CACFD1: variants seen among roughly 807,000 people sequenced by gnomAD.
CACFD1 encodes calcium channel flower domain containing 1.
CACFD1 carries 26 observed loss-of-function variants against 21.3 expected under a neutral mutation model. That is an observed-to-expected ratio of 1.22 (90% CI 0.89 to 1.69). The LOEUF is 1.69. CACFD1 is among the 40% of genes most tolerant of loss of function. The pLI is 0.00. For missense variants in CACFD1, 265 were observed against 236.2 expected (o/e 1.12, Z -0.80); for synonymous variants, 121 against 106.6 (o/e 1.13, Z -0.83).
chr9:133,465,080 G>A lies in CACFD1; in HGVS notation c.195-242G>A. Reference sequence around the variant, plus strand: ...GAAGCCCAGGGGCTTCCCTCTAGGAGTGTTCAGTTCAGCTGGGGAGATGGG... The same window carrying A: ...GAAGCCCAGGGGCTTCCCTCTAGGAATGTTCAGTTCAGCTGGGGAGATGGG... On this transcript the variant is annotated intron_variant, in intron 2 of 4. Coordinates refer to ENST00000316948, the MANE Select transcript of CACFD1 (RefSeq NM_017586.5). The surrounding 1 kb of genome is among the most constrained non-coding windows in gnomAD (Gnocchi z 5.0). 5.4e-6 allele frequency: 3 copies of A among 550,894 alleles called. No homozygotes were observed. Among genetic ancestry groups the A allele is most frequent in the Non-Finnish European group, 9.8e-6 (3 of 307,402 alleles). 34.1% of individuals were successfully genotyped at this position (550,894 alleles called of 1,614,324 possible).
chr9:133,466,253 CTG>C (rs1843431673), intron 3 of CACFD1, among the ~76,000 whole-genome samples: 2 of 152,332 alleles, frequency 1.3e-5, no homozygotes, highest in Non-Finnish European at 2.9e-5. Flanking sequence ...GTTCAAAAAA[CTG>C]TATTTTAAAA....
Position 133,460,103 on chromosome 9 carries a change from A to T in CACFD1, c.37A>T (p.Ser13Cys). The T allele has an allele frequency of 6.4e-7, 1 of 1,563,914 alleles. No homozygotes were observed. The highest frequency in any genetic ancestry group is 8.7e-7 in the Non-Finnish European group (1 of 1,153,858). The stretch of plus-strand genomic sequence containing the variant: ...AGGTGGGGCGCCCGGGGCGTCCGCC[A>T]GCTCTGCGCCGCCCGCGCAGGAAGA... Reference protein sequence around the residue: ...SSGGAPGASASSAPPAQEEGM... With the variant: ...SSGGAPGASACSAPPAQEEGM... Residue 13 changes from serine (S) to cysteine (C), a missense_variant, in exon 1 of 5, where the codon AGC (serine) becomes TGC (cysteine). Transcript: ENST00000316948.
intron 1 of CACFD1, chr9:133,461,946 G>C: frequency 1.0e-6 from 1 of 985,434 alleles, no homozygotes; most frequent in Non-Finnish European, 1.2e-6. Flanking sequence ...CCTGGAGAGG[G>C]TCTACCCTGG....
In CACFD1 at chr9:133,463,400, T is replaced by C. The variant is rs782696252; in HGVS notation, c.122-83T>C. ...TGAGCATCCGCAGAGACTCTCGTCCTTTCCAGTCATCTCCCAAGGCCGCCT... is the reference window on the plus strand; with the variant it reads ...TGAGCATCCGCAGAGACTCTCGTCCCTTCCAGTCATCTCCCAAGGCCGCCT... On this transcript the variant is annotated intron_variant, in intron 1 of 4. Coordinates refer to ENST00000316948, the MANE Select transcript of CACFD1 (RefSeq NM_017586.5). 9 of 1,606,552 alleles carry C rather than the reference T, an allele frequency of 5.6e-6. No individual in the cohort carries two copies. The African/African-American group carries it at 6.7e-5, about 12-fold the overall frequency.
intron 1 of CACFD1, chr9:133,462,323 G>C: frequency 2.3e-6 from 3 of 1,293,710 alleles, no homozygotes; most frequent in African/African-American, 1.5e-5. Context: ...ACACCTTGCT[G>C]TCTGAAGGCA....
chr9:133,467,006 C>T (rs35773987), intron 3 of CACFD1, among the ~76,000 whole-genome samples: 1,858 of 152,206 alleles, frequency 0.012, 13 homozygotes, highest in Middle Eastern at 0.02. Context: ...CAGAAGGTTC[C>T]CCGCCGTGGT....
chr9:133,459,984 C>G lies in CACFD1; in HGVS notation c.-83C>G. The stretch of plus-strand genomic sequence containing the variant: ...CCCCCTATGCTAATATGCTCCCTCT[C>G]CCACAAGGCAGCGCGCCGGCTCGGA... On this transcript the variant is annotated 5_prime_UTR_variant, in exon 1 of 5. Transcript: ENST00000316948. 3 of 1,436,868 alleles carry G rather than the reference C, an allele frequency of 2.1e-6. No individual in the cohort carries two copies. The highest frequency in any genetic ancestry group is 2.7e-6 in the Non-Finnish European group (3 of 1,094,726). The allele number at this position is 1,436,868 out of a possible 1,614,324, so 89.0% of individuals were successfully genotyped here.
At chr9:133,468,511 C>T in intron 4 of CACFD1, 52 bp from the exon 5 acceptor site, 1 of 1,550,002 alleles carries the variant, frequency 6.5e-7, no homozygotes, top group Non-Finnish European at 8.7e-7. Context: ...GTCAGGAGGG[C>T]TGTGGGCATG....
chr9:133,460,134 T>A lies in CACFD1; in HGVS notation c.68T>A (p.Met23Lys), dbSNP rs781895307. 2 of 1,561,482 alleles carry A rather than the reference T, an allele frequency of 1.3e-6. No individual in the cohort carries two copies. Among genetic ancestry groups the A allele is most frequent in the East Asian group, 4.8e-5 (2 of 41,702 alleles). The change falls in exon 1 of 5, where the codon ATG becomes AAG. Residue 23 changes from methionine to lysine, a missense_variant. Met to Lys is a moderately conservative substitution (Grantham distance 95). Coordinates refer to ENST00000316948, the MANE Select transcript of CACFD1 (RefSeq NM_017586.5). ...SSAPPAQEEGMTWWYRWLCRL... is the reference protein window; with the variant it reads ...SSAPPAQEEGKTWWYRWLCRL... The stretch of plus-strand genomic sequence containing the variant: ...GCGCCGCCCGCGCAGGAAGAGGGCA[T>A]GACGTGGTGGTACCGCTGGCTGTGT...
rs782106556 is a variant in CACFD1, at chr9:133,470,796, CTG to C, written c.*2150_*2151del. The stretch of plus-strand genomic sequence containing the variant: ...CCTCTGCTCCCTTCTGCCTTGGTGC[CTG>C]TGTGTGAGTGTGGAAGCCAGGCAGG... On this transcript the variant is annotated 3_prime_UTR_variant, in exon 5 of 5. Transcript: ENST00000316948. 2 of 152,450 alleles carry C rather than the reference CTG, an allele frequency of 1.3e-5. No individual in the cohort carries two copies. The highest frequency in any genetic ancestry group is 2.1e-4 in the South Asian group (1 of 4,830). The allele number at this position is 152,450 out of a possible 1,614,324, so 9.4% of individuals were successfully genotyped here. A position where few individuals can be genotyped will look rare whatever the true frequency, so the allele number is the denominator to read the frequency against.
At chr9:133,467,387 C>A (rs367905099) in intron 3 of CACFD1, among the ~76,000 whole-genome samples, 2 of 152,348 alleles carry the variant, frequency 1.3e-5, no homozygotes, top group African/African-American at 4.8e-5. Context: ...CATGATGAGA[C>A]CCTGTGTTCC....
Position 133,460,011 on chromosome 9 carries a change from G to T in CACFD1, c.-56G>T. ...CACAAGGCAGCGCGCCGGCTCGGAC[G>T]CGGCCGGCTACCGAGCCCTTTGTGA... On this transcript the variant is annotated 5_prime_UTR_variant, in exon 1 of 5. Transcript: ENST00000316948. 6.8e-7 allele frequency: 1 copy of T among 1,471,330 alleles called. No homozygotes were observed. Among genetic ancestry groups the T allele is most frequent in the Non-Finnish European group, 9.0e-7 (1 of 1,112,652 alleles). The allele number at this position is 1,471,330 out of a possible 1,614,324, so 91.1% of individuals were successfully genotyped here. A position where few individuals can be genotyped will look rare whatever the true frequency, so the allele number is the denominator to read the frequency against.
intron 2 of CACFD1, among the ~76,000 whole-genome samples, chr9:133,464,502 G>A (rs1843353537): frequency 6.6e-6 from 1 of 152,126 alleles, no homozygotes; most frequent in African/African-American, 2.4e-5. Flanking sequence ...GAGTTGTGAA[G>A]AGAGTGCCTG....
Position 133,463,521 on chromosome 9 carries a change from C to T in CACFD1, c.160C>T (p.His54Tyr). ...TGGCCTCTTCAACTGCATCACCATC[C>T]ACCCTCTGAACATTGCGGCCGGCGT... ...ISGLFNCITI[H>Y]PLNIAAGVWM... is the part of the protein sequence containing the mutation. The change falls in exon 2 of 5, where the codon CAC (histidine) becomes TAC (tyrosine). Residue 54 changes from histidine (H) to tyrosine (Y), a missense_variant. Coordinates refer to ENST00000316948, the MANE Select transcript of CACFD1 (RefSeq NM_017586.5). 1 of 1,614,118 alleles carries T rather than the reference C, an allele frequency of 6.2e-7. No homozygotes were observed. Among genetic ancestry groups the T allele is most frequent in the Admixed American group, 1.7e-5 (1 of 60,030 alleles).
chr9:133,463,162 C>T lies in CACFD1; in HGVS notation c.122-321C>T, dbSNP rs79960497. 6.0e-4 allele frequency among the ~76,000 whole-genome samples: 91 copies of T among 152,338 alleles called. 1 individual carries two copies. The East Asian group carries it at 0.017, about 29-fold the overall frequency. On this transcript the variant is annotated intron_variant, in intron 1 of 4. Coordinates refer to ENST00000316948, the MANE Select transcript of CACFD1 (RefSeq NM_017586.5). ...CTCTTTAATCCTTCTTTAATCCTAA[C>T]CTCCCTTTGAGGTGGATATTGATGT...
chr9:133,460,444 G>A (rs1554798143), intron 1 of CACFD1, among the ~76,000 whole-genome samples: 3 of 146,648 alleles, frequency 2.0e-5, no homozygotes, highest in Non-Finnish European at 4.5e-5. Context: ...CATTCCCGGA[G>A]GGACCAGAAA....
Position 133,465,695 on chromosome 9 carries a change from GT to G in CACFD1, c.320+249del. 2.0e-6 allele frequency: 1 copy of G among 499,154 alleles called. No individual in the cohort carries two copies. Among genetic ancestry groups the G allele is most frequent in the Non-Finnish European group, 3.6e-6 (1 of 280,266 alleles). The allele number at this position is 499,154 out of a possible 1,614,324, so 30.9% of individuals were successfully genotyped here. On this transcript the variant is annotated intron_variant, in intron 3 of 4. Transcript: ENST00000316948. The surrounding 1 kb of genome is among the most constrained non-coding windows in gnomAD (Gnocchi z 5.0). Reference sequence around the variant, plus strand: ...AAGGTTCAGAGGTATATGAGCATGTGTGGCAGCATCCGTGCAGTGGAGAGAA... The same window carrying G: ...AAGGTTCAGAGGTATATGAGCATGTGGGCAGCATCCGTGCAGTGGAGAGAA...
chr9:133,462,236 C>T (rs782813082), intron 1 of CACFD1: 1 of 1,304,166 alleles, frequency 7.7e-7, no homozygotes, highest in Non-Finnish European at 1.0e-6. Context: ...CCAGGCACAG[C>T]AGAGAGGCAG....
intron 3 of CACFD1, among the ~76,000 whole-genome samples, chr9:133,466,558 G>T (rs968694075): frequency 1.3e-5 from 2 of 148,804 alleles, no homozygotes; most frequent in African/African-American, 4.8e-5. Flanking sequence ...CTTAACTGGT[G>T]TAAATCGAGG....
Sources: allele counts gnomAD v4.1 joint callset (sites outside exome capture counted in the v4.1 genomes callset), GRCh38; gene constraint gnomAD v4.1.1; non-coding constraint Gnocchi (gnomAD v3.1); transcripts MANE v1.5; gene names NCBI Gene and HGNC (gene_info 2026-07-23, HGNC 2026-07-21).